The following FAM81B variants were observed in gnomAD, a reference collection of about 807,000 sequenced individuals.
FAM81B encodes the protein family with sequence similarity 81 member B, also known as protein FAM81B.
A neutral mutation model predicts 58.7 loss-of-function variants in FAM81B; 60 were observed. The ratio of observed to expected loss-of-function variants is 1.02; its 90% CI spans 0.83 to 1.27. FAM81B has a LOEUF of 1.27. Ranked by LOEUF, FAM81B falls within the 50% of genes most tolerant of loss-of-function variation. The probability of loss-of-function intolerance (pLI) is 0.00; values close to 1 mark genes in which losing one functional copy is unlikely to be tolerated. For missense variants in FAM81B, 491 were observed against 522.0 expected (o/e 0.94, Z 0.58); for synonymous variants, 189 against 179.6 (o/e 1.05, Z -0.42).
At chr5:95,407,185 G>A (rs949719412) in intron 3 of FAM81B, among the ~76,000 whole-genome samples, 1 of 152,046 alleles carries the variant, frequency 6.6e-6, no homozygotes, top group African/African-American at 2.4e-5. Flanking sequence ...TGGGGTAGGA[G>A]CCAAGGTGAG....
chr5:95,401,844 C>T (rs1003263567), intron 3 of FAM81B, among the ~76,000 whole-genome samples: 29 of 152,286 alleles, frequency 1.9e-4, no homozygotes, highest in African/African-American at 6.3e-4. Context: ...CTGCCAGCTA[C>T]AGCACAGCTG....
intron 5 of FAM81B, among the ~76,000 whole-genome samples, chr5:95,422,454 G>T (rs1428396993): frequency 6.6e-6 from 1 of 152,050 alleles, no homozygotes; most frequent in African/African-American, 2.4e-5. Context: ...CCAAGATTCT[G>T]CAAAGAAGAT....
chr5:95,412,206 T>C (rs749160355), intron 3 of FAM81B, among the ~76,000 whole-genome samples: 2 of 152,144 alleles, frequency 1.3e-5, no homozygotes, highest in East Asian at 1.9e-4. Flanking sequence ...CTTTTCCACA[T>C]AGCACTGCTC....
chr5:95,417,711 T>TTAGTATC (rs1762573385), intron 4 of FAM81B, among the ~76,000 whole-genome samples: 1 of 151,834 alleles, frequency 6.6e-6, no homozygotes, highest in Admixed American at 6.6e-5. Flanking sequence ...TTTGTAGTAT[T>TTAGTATC]TTCCTATTTC....
chr5:95,446,670 A>C lies in FAM81B; in HGVS notation c.1002A>C (p.Glu334Asp). ...AAGACCACCTGGGCCATATAAATGA[A>C]TGTCTGAAGGTCCTACAGGAGAAAC... ...YRKDHLGHINECLKVLQEKLE... is the reference protein window; with the variant it reads ...YRKDHLGHINDCLKVLQEKLE... Residue 334 changes from glutamate to aspartate, a missense_variant, in exon 8 of 10, where the codon GAA becomes GAC. By Grantham distance (45) the Glu-to-Asp change is conservative. Coordinates refer to ENST00000283357, the MANE Select transcript of FAM81B (RefSeq NM_152548.3). 3.7e-6 allele frequency: 6 copies of C among 1,611,490 alleles called. No homozygotes were observed. Among genetic ancestry groups the C allele is most frequent in the Non-Finnish European group, 5.1e-6 (6 of 1,179,404 alleles).
chr5:95,442,071 A>G (rs1745379157), intron 7 of FAM81B, among the ~76,000 whole-genome samples: 1 of 152,236 alleles, frequency 6.6e-6, no homozygotes, highest in Non-Finnish European at 1.5e-5. Flanking sequence ...ACACTACCAC[A>G]GTAGAAAGTT....
At chr5:95,446,838 G>A (rs1745586803) in intron 8 of FAM81B, 141 bp downstream of exon 8, 3 of 947,270 alleles carry the variant, frequency 3.2e-6, no homozygotes, top group Non-Finnish European at 4.7e-6. Flanking sequence ...CACCACAATA[G>A]GAGTCCAGAG....
At chr5:95,409,186 T>C (rs1243533928) in intron 3 of FAM81B, among the ~76,000 whole-genome samples, 1 of 152,192 alleles carries the variant, frequency 6.6e-6, no homozygotes, top group African/African-American at 2.4e-5. Context: ...TGAGATGGAG[T>C]CTCGCTCTGT....
At chr5:95,439,434 T>C (rs1308298406) in intron 7 of FAM81B, among the ~76,000 whole-genome samples, 1 of 151,874 alleles carries the variant, frequency 6.6e-6, no homozygotes, top group Admixed American at 6.6e-5. Context: ...TGCATTCCCT[T>C]TTACTATTTG....
intron 6 of FAM81B, among the ~76,000 whole-genome samples, chr5:95,432,745 A>C (rs1159247389): frequency 2.0e-5 from 3 of 151,772 alleles, no homozygotes; most frequent in African/African-American, 7.3e-5. Flanking sequence ...ATTCTATTTT[A>C]TTATTTTGTA....
chr5:95,433,843 T>C (rs1745001136), intron 6 of FAM81B, among the ~76,000 whole-genome samples: 1 of 152,192 alleles, frequency 6.6e-6, no homozygotes, highest in Non-Finnish European at 1.5e-5. Flanking sequence ...ATTTCACCTA[T>C]AATTTCAGTT....
intron 8 of FAM81B, 131 bp from the exon 9 acceptor site, chr5:95,448,138 T>A: frequency 1.2e-6 from 1 of 812,014 alleles, no homozygotes. Context: ...GAACACAGTT[T>A]TAGATACAAA....
At chr5:95,423,547 T>TAA (rs70978187) in intron 5 of FAM81B, among the ~76,000 whole-genome samples, 10,662 of 123,152 alleles carry the variant, frequency 0.087, 976 homozygotes, top group African/African-American at 0.24. Context: ...TGCATGTGGG[T>TAA]AAAAAAAAAA....
At chr5:95,407,794 G>A (rs1449682610) in intron 3 of FAM81B, among the ~76,000 whole-genome samples, 1 of 152,112 alleles carries the variant, frequency 6.6e-6, no homozygotes, top group Non-Finnish European at 1.5e-5. Flanking sequence ...TTATGTCCAA[G>A]ATCACCATCT....
At chr5:95,439,977 C>G (rs1015486947) in intron 7 of FAM81B, 2 of 335,034 alleles carry the variant, frequency 6.0e-6, no homozygotes, top group Non-Finnish European at 1.2e-5. Flanking sequence ...TGTCATTGCA[C>G]CACTGCATGC....
rs1222734133 is a variant in FAM81B at position 95,450,209 on chromosome 5, A to G, written c.1286A>G (p.Asp429Gly). 1 of 1,613,248 alleles carries G rather than the reference A, an allele frequency of 6.2e-7. No individual in the cohort carries two copies. Among genetic ancestry groups the G allele is most frequent in the East Asian group, 2.2e-5 (1 of 44,766 alleles). ...CAACAAATACAGAAAACAAAGATGG[A>G]TTTAGAGAAATATAAAGTACAGAAA... ...SLQQIQKTKM[D>G]LEKYKVQKDL... Residue 429 changes from aspartate to glycine, a missense_variant, in exon 10 of 10, where the codon GAT becomes GGT. Transcript: ENST00000283357.
intron 5 of FAM81B, among the ~76,000 whole-genome samples, chr5:95,426,793 A>G (rs913200741): frequency 1.3e-5 from 2 of 152,192 alleles, no homozygotes; most frequent in Non-Finnish European, 2.9e-5. Context: ...TCACGCCTGT[A>G]ATCCCAGCAC....
At chr5:95,439,379 C>G in intron 7 of FAM81B, among the ~76,000 whole-genome samples, 1 of 151,138 alleles carries the variant, frequency 6.6e-6, no homozygotes, top group East Asian at 1.9e-4. Context: ...AATGTGTTCT[C>G]TTTTTAATAC....
chr5:95,427,339 G>A (rs947347147), intron 5 of FAM81B, among the ~76,000 whole-genome samples: 1 of 152,150 alleles, frequency 6.6e-6, no homozygotes, highest in Admixed American at 6.5e-5. Context: ...ATATGCAAAG[G>A]TGTAAAACAT....
Sources: allele counts gnomAD v4.1 joint callset (sites outside exome capture counted in the v4.1 genomes callset), GRCh38; gene constraint gnomAD v4.1.1; transcripts MANE v1.5; gene names NCBI Gene and HGNC (gene_info 2026-07-23, HGNC 2026-07-21).